ADH7: variants seen among roughly 807,000 people sequenced by gnomAD.
The protein encoded by ADH7 is all-trans-retinol dehydrogenase [NAD(+)] ADH7.
Under a neutral mutation model 34.4 loss-of-function variants are expected in ADH7, and 41 were observed. The ratio of observed to expected loss-of-function variants is 1.19; its 90% CI spans 0.93 to 1.55. The LOEUF is 1.55. Among genes scored for constraint, ADH7 ranks in the 40% most tolerant of loss-of-function variants. The probability of loss-of-function intolerance (pLI) is 0.00; values close to 1 mark genes in which losing one functional copy is unlikely to be tolerated. For synonymous variants in ADH7, 180 were observed against 160.9 expected (o/e 1.12, Z -0.90); for missense variants, 540 against 461.2 (o/e 1.17, Z -1.56).
chr4:99,427,504 G>A (rs1168426453), intron 5 of ADH7, among the ~76,000 whole-genome samples: 1 of 152,074 alleles, frequency 6.6e-6, no homozygotes, highest in Non-Finnish European at 1.5e-5. Flanking sequence ...TTAACATATG[G>A]GGAAGGGGTA....
At chr4:99,433,669 G>A (rs1015652310) in intron 1 of ADH7, among the ~76,000 whole-genome samples, 2 of 152,116 alleles carry the variant, frequency 1.3e-5, no homozygotes, top group Non-Finnish European at 2.9e-5. Flanking sequence ...TTTATTAGAA[G>A]GGGAGATTAG....
chr4:99,417,611 C>T (rs1010368451), intron 7 of ADH7, among the ~76,000 whole-genome samples: 4 of 152,028 alleles, frequency 2.6e-5, no homozygotes, highest in Admixed American at 2.6e-4. Context: ...TATTTATTGT[C>T]AGTCTCTCTA....
rs146508025 is a variant in ADH7 at position 99,427,895 on chromosome 4, C to T, written c.442G>A (p.Glu148Lys). Residue 148 changes from glutamate to lysine, a missense_variant, in exon 5 of 9, where the codon GAG (glutamate) becomes AAG (lysine). By Grantham distance (56) the Glu-to-Lys change is moderately conservative. Coordinates refer to ENST00000437033, the MANE Select transcript of ADH7 (RefSeq NM_000673.7). ...GAAGATTCATCCACCACTGTGTACT[C>T]GGTAAATGTACTGGTGTTCATGAAG... Reference protein sequence around the residue: ...HHFMNTSTFTEYTVVDESSVA... With the variant: ...HHFMNTSTFTKYTVVDESSVA... 7.1e-5 allele frequency: 115 copies of T among 1,613,938 alleles called. No homozygotes were observed. In the African/African-American group the frequency reaches 7.9e-4, roughly 11 times the overall value.
At chr4:99,414,751 C>T (rs1721479337) in intron 8 of ADH7, among the ~76,000 whole-genome samples, 1 of 152,086 alleles carries the variant, frequency 6.6e-6, no homozygotes, top group Non-Finnish European at 1.5e-5. Flanking sequence ...AAAATAATAC[C>T]TGGCTTACAG....
rs1419105572 is a variant in ADH7, at chr4:99,420,690, T to A, written c.668A>T (p.Asp223Val). 14 of 1,613,684 alleles carry A rather than the reference T, an allele frequency of 8.7e-6. No homozygotes were observed. Among genetic ancestry groups the A allele is most frequent in the Non-Finnish European group, 1.1e-5 (13 of 1,179,906 alleles). The change falls in exon 6 of 9, where the codon GAC (aspartate) becomes GTC (valine). Residue 223 changes from aspartate (D) to valine (V), a missense_variant. Transcript: ENST00000437033. ...SAGASRIIGIDLNKDKFEKAM... is the reference protein window; with the variant it reads ...SAGASRIIGIVLNKDKFEKAM... Reference sequence around the variant, plus strand: ...CTTCTCAAATTTGTCTTTGTTGAGGTCAATCCCAATGATCCTAGATGCACC... The same window carrying A: ...CTTCTCAAATTTGTCTTTGTTGAGGACAATCCCAATGATCCTAGATGCACC...
At chr4:99,429,958 G>T (rs540356143) in intron 1 of ADH7, among the ~76,000 whole-genome samples, 1 of 152,108 alleles carries the variant, frequency 6.6e-6, no homozygotes, top group Non-Finnish European at 1.5e-5. Flanking sequence ...CCAAAAATAG[G>T]TTATTTTGTT....
chr4:99,432,888 G>A (rs1285201215), intron 1 of ADH7, among the ~76,000 whole-genome samples: 1 of 152,110 alleles, frequency 6.6e-6, no homozygotes, highest in Admixed American at 6.5e-5. Flanking sequence ...CTGTTGCCCA[G>A]ATTGTACTCT....
At chr4:99,415,146 A>G (rs935105781) in intron 8 of ADH7, among the ~76,000 whole-genome samples, 1 of 152,104 alleles carries the variant, frequency 6.6e-6, no homozygotes, top group Admixed American at 6.6e-5. Context: ...TTTGCTCGAC[A>G]CTTCTCCTTC....
chr4:99,417,209 C>T (rs530491023), intron 7 of ADH7, among the ~76,000 whole-genome samples: 85 of 152,172 alleles, frequency 5.6e-4, no homozygotes, highest in African/African-American at 1.8e-3. Context: ...CCCTCAGAAG[C>T]CTCTGTGGTT....
At chr4:99,428,892 A>G (rs1721878572) in intron 2 of ADH7, among the ~76,000 whole-genome samples, 1 of 152,120 alleles carries the variant, frequency 6.6e-6, no homozygotes, top group African/African-American at 2.4e-5. Context: ...TTGTGAGGGA[A>G]CCAGAATACA....
chr4:99,425,020 G>T (rs2110137612), intron 5 of ADH7, among the ~76,000 whole-genome samples: 1 of 152,046 alleles, frequency 6.6e-6, no homozygotes, highest in African/African-American at 2.4e-5. Flanking sequence ...ATTTGTCATA[G>T]ATAGCACCAG....
Position 99,420,765 on chromosome 4 carries a change from A to G in ADH7, c.593T>C (p.Phe198Ser), listed in dbSNP as rs759817576. ...KVKPGSTCVV[F>S]GLGGVGLSVI... ...TGACAGGCCAACTCCTCCCAGGCCA[A>G]AGACGACGCAAGTGGAACCAGGTTT... Residue 198 changes from phenylalanine to serine, a missense_variant, in exon 6 of 9, where the codon TTT becomes TCT. Coordinates refer to ENST00000437033, the MANE Select transcript of ADH7 (RefSeq NM_000673.7). 6.2e-7 allele frequency: 1 copy of G among 1,613,844 alleles called. No individual in the cohort carries two copies. Among genetic ancestry groups the G allele is most frequent in the South Asian group, 1.1e-5 (1 of 91,068 alleles).
At chr4:99,431,738 C>T (rs896487500) in intron 1 of ADH7, among the ~76,000 whole-genome samples, 3 of 152,132 alleles carry the variant, frequency 2.0e-5, no homozygotes, top group African/African-American at 7.2e-5. Context: ...CATCACTAAT[C>T]ATTAGAGAAA....
rs565368672 is a variant in ADH7 at position 99,423,684 on chromosome 4, A to G, written c.565-2891T>C. On this transcript the variant is annotated intron_variant, in intron 5 of 8. Transcript: ENST00000437033. Reference sequence around the variant, plus strand: ...GGCTGCATAAATGTCTTCTTTTCAGAAGTGTCTGTTCCTGTCCTTTGCCCA... The same window carrying G: ...GGCTGCATAAATGTCTTCTTTTCAGGAGTGTCTGTTCCTGTCCTTTGCCCA... Among the ~76,000 whole-genome samples the G allele has an allele frequency of 2.6e-5, 4 of 152,262 alleles. No homozygotes were observed. In the South Asian group the frequency reaches 6.2e-4, roughly 24 times the overall value.
chr4:99,412,977 A>T lies in ADH7; in HGVS notation c.*171T>A. 3.7e-6 allele frequency: 2 copies of T among 540,812 alleles called. No individual in the cohort carries two copies. Among genetic ancestry groups the T allele is most frequent in the Non-Finnish European group, 6.3e-6 (2 of 315,404 alleles). The allele number at this position is 540,812 out of a possible 1,614,324, so 33.5% of individuals were successfully genotyped here. The stretch of plus-strand genomic sequence containing the variant: ...ATACTAATTCCCAGGTGCTCACAAG[A>T]CTTTAAATGTTTATAAAGGTTAATA... On this transcript the variant is annotated 3_prime_UTR_variant, in exon 9 of 9. Coordinates refer to ENST00000437033, the MANE Select transcript of ADH7 (RefSeq NM_000673.7).
chr4:99,432,896 T>G (rs970916474), intron 1 of ADH7, among the ~76,000 whole-genome samples: 4 of 152,208 alleles, frequency 2.6e-5, no homozygotes, highest in Non-Finnish European at 5.9e-5. Context: ...CAGATTGTAC[T>G]CTAGTTCCTG....
At chr4:99,420,474 T>A (rs1023722238) in intron 6 of ADH7, 59 bp downstream of exon 6, 1 of 1,522,544 alleles carries the variant, frequency 6.6e-7, no homozygotes, top group Non-Finnish European at 9.0e-7. Context: ...CAATTAAATT[T>A]ACCTTGTGCA....
At chr4:99,419,158 G>A (rs768247531) in intron 6 of ADH7, 37 bp from the exon 7 acceptor site, 1 of 1,598,870 alleles carries the variant, frequency 6.3e-7, no homozygotes, top group Non-Finnish European at 8.5e-7. Context: ...TGCTTCCTGT[G>A]TCTCTTACAG....
Position 99,413,051 on chromosome 4 carries a change from G to T in ADH7, c.*97C>A, listed in dbSNP as rs1374569379. 2 of 1,260,140 alleles carry T rather than the reference G, an allele frequency of 1.6e-6. No homozygotes were observed. The highest frequency in any genetic ancestry group is 1.2e-5 in the South Asian group (1 of 80,318). The allele number at this position is 1,260,140 out of a possible 1,614,324, so 78.1% of individuals were successfully genotyped here. On this transcript the variant is annotated 3_prime_UTR_variant, in exon 9 of 9. Transcript: ENST00000437033. ...TTCAACAAATCTTCTACTTATGCTT[G>T]TATTTGTGAGACAGATACATGATTT... is the stretch of plus-strand genomic sequence containing the variant.
Sources: gnomAD v4.1 joint callset for allele counts (sites outside exome capture counted in the v4.1 genomes callset) on GRCh38, gnomAD v4.1.1 for gene constraint, MANE v1.5 for transcripts, NCBI Gene and HGNC (gene_info 2026-07-23, HGNC 2026-07-21) for gene names.